The following PDE10A variants were observed in gnomAD, a reference collection of about 807,000 sequenced individuals.
PDE10A encodes cAMP and cAMP-inhibited cGMP 3',5'-cyclic phosphodiesterase 10A.
In PDE10A, 39 loss-of-function variants were observed where a neutral mutation model predicts 97.7. The observed-to-expected ratio is 0.40, with a 90% CI of 0.31 to 0.52. The LOEUF is 0.52. PDE10A is among the 20% of genes least tolerant of loss of function. PDE10A has a pLI of 0.56. For synonymous variants in PDE10A, 371 were observed against 376.8 expected, an observed-to-expected ratio of 0.98 and a Z score of 0.18; for missense variants, 731 against 1,047.8, an observed-to-expected ratio of 0.70 and a Z score of 4.17.
intron 16 of PDE10A, among the ~76,000 whole-genome samples, chr6:165,390,967 T>C (rs1392867309): frequency 6.6e-6 from 1 of 152,204 alleles, no homozygotes; most frequent in African/African-American, 2.4e-5. Context: ...TATGCTGCTG[T>C]GTCATCATGA....
chr6:165,416,639 G>A (rs983171176), intron 11 of PDE10A, among the ~76,000 whole-genome samples: 12 of 152,058 alleles, frequency 7.9e-5, no homozygotes, highest in Admixed American at 6.6e-5. Context: ...AGGTGTGAAC[G>A]AAGGCCTATA....
At chr6:165,479,387 C>T (rs534476480) in intron 3 of PDE10A, among the ~76,000 whole-genome samples, 2 of 152,228 alleles carry the variant, frequency 1.3e-5, no homozygotes, top group East Asian at 3.9e-4. Flanking sequence ...ACTCACTCTG[C>T]ACCTGTCACA....
chr6:165,844,724 T>TTTAAAGAGTAAATTTTTA (rs1257956894), intron 1 of PDE10A, among the ~76,000 whole-genome samples: 2 of 152,254 alleles, frequency 1.3e-5, no homozygotes, highest in Admixed American at 6.5e-5. Context: ...TTTTACTCTT[T>TTTAAAGAGTAAATTTTTA]AATCATAATT....
chr6:165,683,015 G>A (rs752870829), intron 1 of PDE10A, among the ~76,000 whole-genome samples: 11 of 152,218 alleles, frequency 7.2e-5, no homozygotes, highest in Non-Finnish European at 1.0e-4. Flanking sequence ...GTAAAAGTGC[G>A]TGTGGGCAGA....
intron 3 of PDE10A, among the ~76,000 whole-genome samples, chr6:165,458,175 T>C (rs535464527): frequency 6.6e-6 from 1 of 152,304 alleles, no homozygotes; most frequent in African/African-American, 2.4e-5. Flanking sequence ...TTGACATAAT[T>C]TCGATCTTAC....
intron 2 of PDE10A, among the ~76,000 whole-genome samples, 175 bp downstream of exon 2, chr6:165,543,265 T>C (rs1236707811): frequency 2.0e-5 from 3 of 152,234 alleles, no homozygotes; most frequent in African/African-American, 7.2e-5. Context: ...ATCTTTCTTT[T>C]GTATTTATTT....
intron 1 of PDE10A, among the ~76,000 whole-genome samples, chr6:165,583,184 C>T (rs958729732): frequency 2.6e-5 from 4 of 152,198 alleles, no homozygotes; most frequent in Non-Finnish European, 5.9e-5. Context: ...CCTCATTTTA[C>T]AGAAGAGGAA....
At chr6:165,464,203 C>T (rs1242181257) in intron 3 of PDE10A, among the ~76,000 whole-genome samples, 2 of 152,054 alleles carry the variant, frequency 1.3e-5, no homozygotes, top group Non-Finnish European at 2.9e-5. Flanking sequence ...CATACACACA[C>T]AAACACACAC....
intron 1 of PDE10A, among the ~76,000 whole-genome samples, chr6:165,644,142 G>A (rs187602508): frequency 1.3e-3 from 195 of 152,176 alleles, no homozygotes; most frequent in African/African-American, 4.5e-3. Context: ...TGCAAGCTCC[G>A]CCTCCCGGGT....
rs1385116815 is a variant in PDE10A at position 165,604,433 on chromosome 6, C to A, written c.865+57514G>T. 2.6e-5 allele frequency among the ~76,000 whole-genome samples: 4 copies of A among 151,324 alleles called. No individual in the cohort carries two copies. In the East Asian group the frequency reaches 7.8e-4, roughly 29 times the overall value. On this transcript the variant is annotated intron_variant, in intron 1 of 21. Coordinates refer to ENST00000539869, the MANE Select transcript of PDE10A (RefSeq NM_001385079.1). ...CTAGCTGACATCAGCCCCTTCTGGT[C>A]CAGCTGAGTAGGTGACATGCCCACG...
intron 1 of PDE10A, among the ~76,000 whole-genome samples, chr6:165,588,134 A>G (rs1329717431): frequency 6.6e-6 from 1 of 152,178 alleles, no homozygotes; most frequent in African/African-American, 2.4e-5. Flanking sequence ...GTATAACTAT[A>G]TGTCTATACC....
chr6:165,649,069 C>T (rs879690209), intron 1 of PDE10A, among the ~76,000 whole-genome samples: 2 of 152,186 alleles, frequency 1.3e-5, no homozygotes, highest in African/African-American at 4.8e-5. Context: ...TGAGTGCACA[C>T]TGACAGGCCC....
At chr6:165,509,858 GCTT>G (rs1223662639) in intron 2 of PDE10A, among the ~76,000 whole-genome samples, 1 of 151,744 alleles carries the variant, frequency 6.6e-6, no homozygotes, top group Non-Finnish European at 1.5e-5. Flanking sequence ...AATGGGATTG[GCTT>G]CTTGATTTCT....
At chr6:165,756,469 T>C (rs1228637585) in intron 1 of PDE10A, among the ~76,000 whole-genome samples, 1 of 152,236 alleles carries the variant, frequency 6.6e-6, no homozygotes, top group East Asian at 1.9e-4. Flanking sequence ...TTTTTATGAA[T>C]GTACAAACAC....
intron 10 of PDE10A, among the ~76,000 whole-genome samples, chr6:165,421,157 T>C (rs1235860672): frequency 6.6e-6 from 1 of 152,194 alleles, no homozygotes; most frequent in Non-Finnish European, 1.5e-5. Flanking sequence ...AAGCATATGA[T>C]GAGCCTGGGT....
At chr6:165,409,770 A>G (rs1212159309) in intron 13 of PDE10A, 1 of 152,160 alleles carries the variant, frequency 6.6e-6, no homozygotes, top group African/African-American at 2.4e-5. Flanking sequence ...AAGTGTTTAG[A>G]AAAATTATAA....
intron 1 of PDE10A, among the ~76,000 whole-genome samples, chr6:165,645,217 C>A (rs3008046): frequency 6.6e-6 from 1 of 152,062 alleles, no homozygotes; most frequent in Non-Finnish European, 1.5e-5. Flanking sequence ...TGGGAGTGCA[C>A]AGCGAGGGTG....
chr6:165,928,236 T>A (rs1783007245), intron 1 of PDE10A, among the ~76,000 whole-genome samples: 1 of 152,170 alleles, frequency 6.6e-6, no homozygotes, highest in Admixed American at 6.5e-5. Flanking sequence ...GGTACCTGTT[T>A]AGAGGTATTC....
intron 1 of PDE10A, among the ~76,000 whole-genome samples, chr6:165,705,284 G>A (rs1463918669): frequency 6.6e-6 from 1 of 152,254 alleles, no homozygotes; most frequent in Admixed American, 6.5e-5. Context: ...TCCGAAAGGA[G>A]CACAGCCTTC....
Sources: allele counts gnomAD v4.1 joint callset (sites outside exome capture counted in the v4.1 genomes callset), GRCh38; gene constraint gnomAD v4.1.1; transcripts MANE v1.5; gene names NCBI Gene and HGNC (gene_info 2026-07-23, HGNC 2026-07-21).